CA10: variants seen among roughly 807,000 people sequenced by gnomAD.
CA10 encodes carbonic anhydrase-related protein 10.
A neutral mutation model predicts 44.2 loss-of-function variants in CA10; 14 were observed. The ratio of observed to expected loss-of-function variants is 0.32; its 90% confidence interval spans 0.21 to 0.50. The LOEUF is 0.50. Among genes scored for constraint, CA10 ranks in the 20% least tolerant of loss-of-function variants. The pLI is 0.99. For synonymous variants in CA10, 159 were observed against 141.6 expected, an observed-to-expected ratio of 1.12 and a Z score of -0.87; for missense variants, 350 against 409.7, an observed-to-expected ratio of 0.85 and a Z score of 1.26.
At chr17:52,094,290 T>TA (rs905039966) in intron 1 of CA10, among the ~76,000 whole-genome samples, 9 of 142,782 alleles carry the variant, frequency 6.3e-5, no homozygotes, top group Admixed American at 2.8e-4. Flanking sequence ...AAGTATAATT[T>TA]AAAAAAAACC....
intron 4 of CA10, among the ~76,000 whole-genome samples, chr17:51,656,565 T>C (rs564528956): frequency 4.0e-5 from 6 of 151,492 alleles, no homozygotes; most frequent in African/African-American, 1.2e-4. Flanking sequence ...TTTACAAAAC[T>C]GGTGAATTTA....
At chr17:51,987,265 G>A (rs1984873233) in intron 2 of CA10, among the ~76,000 whole-genome samples, 1 of 152,022 alleles carries the variant, frequency 6.6e-6, no homozygotes, top group Non-Finnish European at 1.5e-5. Flanking sequence ...TCTAAGTGAA[G>A]TAACTCAGGA....
At chr17:52,114,017 T>C (rs2143293111) in intron 1 of CA10, among the ~76,000 whole-genome samples, 1 of 152,292 alleles carries the variant, frequency 6.6e-6, no homozygotes, top group East Asian at 1.9e-4. Flanking sequence ...GGCCCACAAG[T>C]TGACAGAACA....
chr17:52,050,989 A>AGGG (rs1987049057), intron 2 of CA10, among the ~76,000 whole-genome samples: 1 of 149,394 alleles, frequency 6.7e-6, no homozygotes, highest in African/African-American at 2.5e-5. Context: ...AAAGAAAAAA[A>AGGG]AGGGAAGGAA....
chr17:51,652,003 A>T (rs114186093), intron 5 of CA10, among the ~76,000 whole-genome samples: 179 of 152,320 alleles, frequency 1.2e-3, no homozygotes, highest in African/African-American at 4.1e-3. Context: ...TGTGCTTATG[A>T]GTAGCATGGG....
chr17:51,636,775 T>TTGTGTGTGTGTGTGTGTG (rs57428535), intron 6 of CA10, among the ~76,000 whole-genome samples: 15 of 146,620 alleles, frequency 1.0e-4, no homozygotes, highest in Non-Finnish European at 1.8e-4. Flanking sequence ...ACTGATTATT[T>TTGTGTGTGTGTGTGTGTG]TGTGTGTGTG....
intron 3 of CA10, among the ~76,000 whole-genome samples, chr17:51,921,203 G>A (rs1030065720): frequency 6.6e-6 from 1 of 152,146 alleles, no homozygotes; most frequent in African/African-American, 2.4e-5. Context: ...AAGGTTGGAA[G>A]GGGATTCACA....
At chr17:52,099,325 G>A (rs1454290926) in intron 1 of CA10, among the ~76,000 whole-genome samples, 2 of 152,174 alleles carry the variant, frequency 1.3e-5, no homozygotes. Context: ...GTTAGATCCT[G>A]CTGACCTACA....
intron 2 of CA10, among the ~76,000 whole-genome samples, chr17:51,960,552 T>C (rs1371524861): frequency 6.6e-6 from 1 of 152,178 alleles, no homozygotes; most frequent in Non-Finnish European, 1.5e-5. Context: ...TGACAACGTA[T>C]TTTAGTGAAA....
chr17:51,905,789 T>C (rs2143940305), intron 3 of CA10, among the ~76,000 whole-genome samples: 1 of 152,234 alleles, frequency 6.6e-6, no homozygotes, highest in South Asian at 2.1e-4. Context: ...TATTTTATTA[T>C]CTGCCTTCCC....
chr17:51,818,986 C>A (rs1465627640), intron 3 of CA10, among the ~76,000 whole-genome samples: 3 of 152,150 alleles, frequency 2.0e-5, no homozygotes, highest in Non-Finnish European at 4.4e-5. Context: ...TCAAAAGCCT[C>A]CTTTGTACAA....
chr17:51,777,441 G>A (rs550963004), intron 3 of CA10, among the ~76,000 whole-genome samples: 22 of 152,258 alleles, frequency 1.4e-4, no homozygotes, highest in African/African-American at 4.8e-4. Context: ...ATGGAGGGCC[G>A]ATTTTTTTGT....
chr17:52,076,180 C>T (rs1299711738), intron 1 of CA10, among the ~76,000 whole-genome samples: 1 of 152,174 alleles, frequency 6.6e-6, no homozygotes, highest in Non-Finnish European at 1.5e-5. Flanking sequence ...CTAAGGACAA[C>T]CTATCAGTCG....
intron 2 of CA10, among the ~76,000 whole-genome samples, chr17:52,048,064 G>C (rs1160724231): frequency 6.7e-6 from 1 of 150,052 alleles, no homozygotes; most frequent in Non-Finnish European, 1.5e-5. Flanking sequence ...AAAAACATTT[G>C]TTTTTGGTTT....
chr17:51,930,631 T>G (rs1347831590), intron 3 of CA10, among the ~76,000 whole-genome samples: 1 of 152,092 alleles, frequency 6.6e-6, no homozygotes, highest in Non-Finnish European at 1.5e-5. Flanking sequence ...GTTTTCTCAC[T>G]TCACTGAGGT....
At chr17:52,077,719 G>A (rs1210039997) in intron 1 of CA10, among the ~76,000 whole-genome samples, 1 of 151,674 alleles carries the variant, frequency 6.6e-6, no homozygotes, top group Non-Finnish European at 1.5e-5. Context: ...AGTATGTACT[G>A]CAGAAGGTAT....
At chr17:51,964,208 A>G (rs1234992663) in intron 2 of CA10, among the ~76,000 whole-genome samples, 1 of 152,150 alleles carries the variant, frequency 6.6e-6, no homozygotes, top group Non-Finnish European at 1.5e-5. Context: ...TTCAACAAGA[A>G]GCCTTTACTA....
At chr17:52,118,197 G>A (rs1219066794) in intron 1 of CA10, among the ~76,000 whole-genome samples, 1 of 152,156 alleles carries the variant, frequency 6.6e-6, no homozygotes, top group Non-Finnish European at 1.5e-5. Flanking sequence ...TACTATTAAT[G>A]TAAGGGTAAA....
chr17:51,916,698 A>T (rs942776229), intron 3 of CA10, among the ~76,000 whole-genome samples: 1 of 152,190 alleles, frequency 6.6e-6, no homozygotes, highest in East Asian at 1.9e-4. Flanking sequence ...GCAGTATGAA[A>T]GCAGACTAAT....
Sources: gnomAD v4.1 joint callset for allele counts (sites outside exome capture counted in the v4.1 genomes callset) on GRCh38, gnomAD v4.1.1 for gene constraint, MANE v1.5 for transcripts, NCBI Gene and HGNC (gene_info 2026-07-23, HGNC 2026-07-21) for gene names.